Variants in ZC3H15 observed in about 807,000 individuals in gnomAD.
The protein encoded by ZC3H15 is zinc finger CCCH domain-containing protein 15.
In ZC3H15, 15 loss-of-function variants were observed where a neutral mutation model predicts 51.2. That is an observed-to-expected ratio of 0.29 (90% CI 0.20 to 0.45). The LOEUF (loss-of-function observed/expected upper bound fraction) is 0.45. Among genes scored for constraint, ZC3H15 ranks in the 20% least tolerant of loss-of-function variants. The probability of loss-of-function intolerance (pLI) is 1.00; values close to 1 mark genes in which losing one functional copy is unlikely to be tolerated. For synonymous variants in ZC3H15, 144 were observed against 162.8 expected (o/e 0.88, Z 0.88); for missense variants, 381 against 494.7 (o/e 0.77, Z 2.18).
At chr2:186,500,102 T>G (rs2105590702) in intron 2 of ZC3H15, 80 bp from the exon 3 acceptor site, 1 of 1,179,144 alleles carries the variant, frequency 8.5e-7, no homozygotes, top group Non-Finnish European at 1.2e-6. Context: ...GCAAGTGTCT[T>G]GTTATGGTAA....
intron 4 of ZC3H15, among the ~76,000 whole-genome samples, chr2:186,501,828 C>T (rs532110370): frequency 6.6e-5 from 10 of 152,058 alleles, no homozygotes; most frequent in Non-Finnish European, 1.2e-4. Flanking sequence ...TCTCCTGCCT[C>T]AGCCTCCCAA....
In ZC3H15 at chr2:186,508,602, G is replaced by A. The variant is rs1229433060; in HGVS notation, c.1150G>A (p.Glu384Lys). ...RAENGERSDL[E>K]EDNEREGTEN... ...TGAAAATGGTGAAAGAAGTGACTTG[G>A]AAGAGGACAACGAGAGGGAGGGAAC... is the stretch of plus-strand genomic sequence containing the variant. The change falls in exon 10 of 10, where the codon GAA becomes AAA. Residue 384 changes from glutamate (E) to lysine (K), a missense_variant. By Grantham distance (56) the Glu-to-Lys change is moderately conservative. Coordinates refer to ENST00000337859, the MANE Select transcript of ZC3H15 (RefSeq NM_018471.3). The A allele has an allele frequency of 8.1e-6, 13 of 1,614,082 alleles. No individual in the cohort carries two copies. Among genetic ancestry groups the A allele is most frequent in the Non-Finnish European group, 1.1e-5 (13 of 1,179,992 alleles).
Position 186,498,652 on chromosome 2 carries a change from C to A in ZC3H15, c.178-1530C>A, listed in dbSNP as rs896918838. Among the ~76,000 whole-genome samples the A allele has an allele frequency of 1.8e-4, 27 of 152,298 alleles. No homozygotes were observed. The South Asian group carries it at 4.1e-3, about 23-fold the overall frequency. On this transcript the variant is annotated intron_variant, in intron 2 of 9. Transcript: ENST00000337859. The stretch of plus-strand genomic sequence containing the variant: ...AATTATAGCATTTGGCCATTCCTTT[C>A]CTAAAATTTCCTCTTTCTTGAACAC...
At chr2:186,502,114 C>G (rs1310318955) in intron 4 of ZC3H15, among the ~76,000 whole-genome samples, 1 of 151,818 alleles carries the variant, frequency 6.6e-6, no homozygotes, top group Non-Finnish European at 1.5e-5. Context: ...TTTGGGAGGC[C>G]AAGGCAGGAA....
chr2:186,491,254 T>G (rs1318822074), intron 1 of ZC3H15, among the ~76,000 whole-genome samples: 7 of 152,150 alleles, frequency 4.6e-5, no homozygotes, highest in Non-Finnish European at 8.8e-5. Flanking sequence ...GGTTCAAATA[T>G]CATCTGTCAC....
At chr2:186,493,050 C>T (rs933700543) in intron 1 of ZC3H15, among the ~76,000 whole-genome samples, 5 of 150,648 alleles carry the variant, frequency 3.3e-5, no homozygotes, top group African/African-American at 1.2e-4. Context: ...TAGAGCAGAG[C>T]GGTTATGTCT....
At chr2:186,502,451 G>A (rs1381452120) in intron 4 of ZC3H15, 45 bp from the exon 5 acceptor site, 3 of 1,455,374 alleles carry the variant, frequency 2.1e-6, no homozygotes, top group South Asian at 2.4e-5. Flanking sequence ...TGTTGTGGGA[G>A]TAGTAGATAA....
At chr2:186,499,490 G>C (rs1464176011) in intron 2 of ZC3H15, 1 of 408,308 alleles carries the variant, frequency 2.4e-6, no homozygotes, top group Non-Finnish European at 4.8e-6. Flanking sequence ...AGGTATATGG[G>C]CATTCTTTGT....
chr2:186,486,592 C>T (rs1041024069), intron 1 of ZC3H15, 135 bp downstream of exon 1: 7 of 858,560 alleles, frequency 8.2e-6, no homozygotes, highest in East Asian at 3.1e-5. Context: ...CCCACTGCCC[C>T]TTCTCCAGCC....
intron 2 of ZC3H15, among the ~76,000 whole-genome samples, chr2:186,499,917 C>G (rs1409151260): frequency 1.3e-5 from 2 of 152,100 alleles, no homozygotes; most frequent in African/African-American, 4.8e-5. Flanking sequence ...AAACTATTTG[C>G]TAAAAATGCT....
chr2:186,500,030 C>A, intron 2 of ZC3H15, 152 bp from the exon 3 acceptor site: 1 of 640,110 alleles, frequency 1.6e-6, no homozygotes, highest in Non-Finnish European at 2.6e-6. Flanking sequence ...TTAACCACAA[C>A]ATTGAATAGA....
rs1553489856 is a variant in ZC3H15, at chr2:186,506,671, G to C, written c.967-42G>C. 3.2e-6 allele frequency: 5 copies of C among 1,574,682 alleles called. No homozygotes were observed. The East Asian group carries it at 6.8e-5, about 21-fold the overall frequency. Reference sequence around the variant, plus strand: ...TAAATGTCAGGAGTAAAAGAAAACTGTTCTTATTTGTAACAACTTTCTTTT... The same window carrying C: ...TAAATGTCAGGAGTAAAAGAAAACTCTTCTTATTTGTAACAACTTTCTTTT... On this transcript the variant is annotated intron_variant, in intron 8 of 9. Transcript: ENST00000337859.
At chr2:186,494,821 G>A (rs1685256122) in intron 1 of ZC3H15, among the ~76,000 whole-genome samples, 1 of 152,100 alleles carries the variant, frequency 6.6e-6, no homozygotes, top group Non-Finnish European at 1.5e-5. Context: ...GGCCTGTTGT[G>A]GGGTGGCGGA....
intron 1 of ZC3H15, 52 bp downstream of exon 1, chr2:186,486,509 T>C: frequency 6.7e-7 from 1 of 1,502,080 alleles, no homozygotes; most frequent in East Asian, 2.5e-5. Context: ...GGAAAGCCAC[T>C]TCCCCGCTCC....
chr2:186,501,423 A>C lies in ZC3H15; in HGVS notation c.440A>C (p.Lys147Thr). Residue 147 changes from lysine (K) to threonine (T), a missense_variant and splice_region_variant, in exon 4 of 10, where the codon AAA becomes ACA. Lys to Thr is a moderately conservative substitution (Grantham distance 78). Coordinates refer to ENST00000337859, the MANE Select transcript of ZC3H15 (RefSeq NM_018471.3). ...YIDARDEELEKDTMDNWDEKK... is the reference protein window; with the variant it reads ...YIDARDEELETDTMDNWDEKK... ...GATGCAAGAGATGAAGAACTTGAAA[A>C]AGGTAATTTTTTTAAAAACACTCTC... 2 of 1,604,802 alleles carry C rather than the reference A, an allele frequency of 1.2e-6. No individual in the cohort carries two copies. The highest frequency in any genetic ancestry group is 1.7e-6 in the Non-Finnish European group (2 of 1,176,722).
In ZC3H15 at chr2:186,506,853, T is replaced by G. The variant is rs1379509535; in HGVS notation, c.1090+17T>G. Reference sequence around the variant, plus strand: ...ATAAAGATGGTAAGTATGCTAACTTTTGCCTAATTTTAAGAACTAGGAAGT... The same window carrying G: ...ATAAAGATGGTAAGTATGCTAACTTGTGCCTAATTTTAAGAACTAGGAAGT... On this transcript the variant is annotated intron_variant, in intron 9 of 9. Transcript: ENST00000337859. The G allele has an allele frequency of 6.2e-7, 1 of 1,603,182 alleles. No individual in the cohort carries two copies. Among genetic ancestry groups the G allele is most frequent in the East Asian group, 2.2e-5 (1 of 44,754 alleles).
At chr2:186,495,386 C>T in intron 2 of ZC3H15, 52 bp downstream of exon 2, 4 of 1,028,552 alleles carry the variant, frequency 3.9e-6, no homozygotes, top group Non-Finnish European at 5.3e-6. Flanking sequence ...TTAATATAGC[C>T]TCTGTTTCAG....
At chr2:186,502,354 A>C in intron 4 of ZC3H15, 142 bp from the exon 5 acceptor site, 1 of 616,576 alleles carries the variant, frequency 1.6e-6, no homozygotes, top group Non-Finnish European at 2.7e-6. Context: ...CCTGAGCAAC[A>C]GTGAGACCCC....
intron 6 of ZC3H15, 162 bp from the exon 7 acceptor site, chr2:186,505,289 T>C: frequency 2.9e-6 from 2 of 699,280 alleles, no homozygotes; most frequent in Non-Finnish European, 4.1e-6. Context: ...CTCATTTTGC[T>C]CATTGCCACG....
Sources: allele counts gnomAD v4.1 joint callset (sites outside exome capture counted in the v4.1 genomes callset), GRCh38; gene constraint gnomAD v4.1.1; transcripts MANE v1.5; gene names NCBI Gene and HGNC (gene_info 2026-07-23, HGNC 2026-07-21).